ZNF577: variants seen among roughly 807,000 people sequenced by gnomAD.
The protein encoded by ZNF577 is zinc finger protein 577.
ZNF577 carries 14 observed loss-of-function variants against 13.9 expected under a neutral mutation model. The ratio of observed to expected loss-of-function variants is 1.00; its 90% CI spans 0.66 to 1.57. ZNF577 has a LOEUF of 1.57. Ranked by LOEUF, ZNF577 falls within the 40% of genes most tolerant of loss-of-function variation. The pLI, the probability that ZNF577 is intolerant of heterozygous loss-of-function variation, is 0.00. For synonymous variants in ZNF577, 203 were observed against 202.9 expected (o/e 1.00, Z 0.00); for missense variants, 555 against 579.2 (o/e 0.96, Z 0.43).
At chr19:51,876,691 G>A (rs981339577) in intron 5 of ZNF577, among the ~76,000 whole-genome samples, 7 of 152,110 alleles carry the variant, frequency 4.6e-5, no homozygotes, top group Non-Finnish European at 1.0e-4. Flanking sequence ...ACTTTGGGAG[G>A]CCAAGGTGGG....
intron 5 of ZNF577, among the ~76,000 whole-genome samples, chr19:51,853,018 G>A (rs940010511): frequency 1.3e-5 from 2 of 150,072 alleles, no homozygotes; most frequent in African/African-American, 2.5e-5. Flanking sequence ...TGCAACCTCC[G>A]CCTCTGCCTT....
chr19:51,876,653 C>T (rs1173885343), intron 5 of ZNF577, among the ~76,000 whole-genome samples: 1 of 151,962 alleles, frequency 6.6e-6, no homozygotes, highest in African/African-American at 2.4e-5. Flanking sequence ...TCCAGCCAGG[C>T]GCAGTGGCTC....
exon 8 of ZNF577, chr19:51,842,859 C>T (rs2084328597): frequency 6.6e-6 from 1 of 152,192 alleles, no homozygotes; most frequent in Admixed American, 6.5e-5. Flanking sequence ...CTCTACTATT[C>T]CTTGTTCTTC....
intron 5 of ZNF577, among the ~76,000 whole-genome samples, chr19:51,846,908 G>C (rs2084355877): frequency 6.6e-6 from 1 of 152,126 alleles, no homozygotes; most frequent in African/African-American, 2.4e-5. Context: ...TGTTATGGCA[G>C]CCCAAGCTGA....
chr19:51,806,198 G>C (rs11881389), intron 10 of ZNF577, among the ~76,000 whole-genome samples: 1,908 of 151,982 alleles, frequency 0.013, 59 homozygotes, highest in African/African-American at 0.044. Context: ...CTCATGGCTC[G>C]TACCGGAGGG....
Position 51,871,424 on chromosome 19 carries a change from T to C in ZNF577, c.*1108A>G, listed in dbSNP as rs2084658565. 2 of 152,090 alleles carry C rather than the reference T, an allele frequency of 1.3e-5. No homozygotes were observed. The highest frequency in any genetic ancestry group is 4.2e-4 in the South Asian group (2 of 4,812). 9.4% of individuals were successfully genotyped at this position (152,090 alleles called of 1,614,324 possible). ...GAGCCACTGTGCCTGGCCAGGTAGG[T>C]TAATTTATATAATTTCAGAATAGAT... On this transcript the variant is annotated 3_prime_UTR_variant, in exon 6 of 6. Coordinates refer to ENST00000638348, the MANE Select transcript of ZNF577 (RefSeq NM_001370449.1).
At chr19:51,815,848 T>A (rs2084131704) in intron 9 of ZNF577, among the ~76,000 whole-genome samples, 1 of 146,240 alleles carries the variant, frequency 6.8e-6, no homozygotes, top group African/African-American at 2.5e-5. Flanking sequence ...GGTGATAGAA[T>A]GAGACCCTGT....
intron 9 of ZNF577, chr19:51,823,705 C>T (rs752516033): frequency 2.0e-6 from 3 of 1,478,026 alleles, no homozygotes; most frequent in East Asian, 2.3e-5. Flanking sequence ...GATGGTGTCA[C>T]AGCTGAGAAA....
rs1166165584 is a variant in ZNF577, at chr19:51,869,780, A to T, written c.*2752T>A. ...AACAGTCAAGACACACCAGCCGCTA[A>T]CTAGAATAAGTTGTTAGGCCTCCTA... On this transcript the variant is annotated 3_prime_UTR_variant, in exon 6 of 6. Transcript: ENST00000638348. Among the ~76,000 whole-genome samples the T allele has an allele frequency of 6.6e-6, 1 of 152,222 alleles. No individual in the cohort carries two copies. Among genetic ancestry groups the T allele is most frequent in the African/African-American group, 2.4e-5 (1 of 41,456 alleles).
intron 5 of ZNF577, among the ~76,000 whole-genome samples, chr19:51,850,014 TAGAC>T (rs1437423708): frequency 9.9e-5 from 15 of 152,218 alleles, no homozygotes; most frequent in South Asian, 2.1e-4. Flanking sequence ...AAGACAAAAT[TAGAC>T]AGAGAACTGA....
rs183904365 is a variant in ZNF577 at position 51,873,736 on chromosome 19, G to A, written c.284-30C>T. 45 of 1,511,716 alleles carry A rather than the reference G, an allele frequency of 3.0e-5. No individual in the cohort carries two copies. The Middle Eastern group carries it at 1.2e-3, about 41-fold the overall frequency. The allele number at this position is 1,511,716 out of a possible 1,614,324, so 93.6% of individuals were successfully genotyped here. A position where few individuals can be genotyped will look rare whatever the true frequency, so the allele number is the denominator to read the frequency against. The stretch of plus-strand genomic sequence containing the variant: ...ATGAGATTTCAAACTTTTACAATGC[G>A]AGCCAAACTTATTGTGTCTTTACAT... On this transcript the variant is annotated intron_variant, in intron 5 of 5. Coordinates refer to ENST00000638348, the MANE Select transcript of ZNF577 (RefSeq NM_001370449.1).
intron 5 of ZNF577, among the ~76,000 whole-genome samples, chr19:51,846,850 A>G (rs1329539535): frequency 6.6e-6 from 1 of 152,204 alleles, no homozygotes; most frequent in Non-Finnish European, 1.5e-5. Context: ...TTCCAGAACT[A>G]TAAGAAAACA....
At chr19:51,856,446 A>C (rs1216175481) in intron 5 of ZNF577, among the ~76,000 whole-genome samples, 4 of 152,252 alleles carry the variant, frequency 2.6e-5, no homozygotes, top group African/African-American at 7.2e-5. Flanking sequence ...CAAAGAAAAA[A>C]TACAGAGAAC....
intron 9 of ZNF577, among the ~76,000 whole-genome samples, chr19:51,816,060 C>T (rs1382658400): frequency 3.3e-5 from 4 of 119,496 alleles, no homozygotes; most frequent in South Asian, 3.1e-4. Context: ...GAGTGAGATC[C>T]TATTAAAAAA....
chr19:51,880,637 C>T (rs8113685), intron 2 of ZNF577, 42 bp downstream of exon 2: 99,208 of 517,716 alleles, frequency 0.19, 12,258 homozygotes, highest in South Asian at 0.39. Context: ...TTCCACAGAC[C>T]CATTGGGAAA....
intron 5 of ZNF577, among the ~76,000 whole-genome samples, chr19:51,846,695 G>A (rs7251171): frequency 0.095 from 14,389 of 151,706 alleles, 782 homozygotes; most frequent in Middle Eastern, 0.12. Context: ...GCCACAGAGC[G>A]AGACTCCATC....
intron 9 of ZNF577, among the ~76,000 whole-genome samples, chr19:51,819,908 A>T (rs1357673963): frequency 3.3e-5 from 5 of 152,224 alleles, no homozygotes; most frequent in Admixed American, 1.3e-4. Flanking sequence ...TTTAGCAGAA[A>T]GCAGAAGGAC....
chr19:51,812,527 T>C (rs898023187), intron 9 of ZNF577, among the ~76,000 whole-genome samples: 9 of 152,242 alleles, frequency 5.9e-5, no homozygotes, highest in African/African-American at 1.7e-4. Flanking sequence ...TTGGCTAGCA[T>C]GTTCTGTTAA....
At chr19:51,832,074 C>A (rs915089106) in intron 9 of ZNF577, among the ~76,000 whole-genome samples, 1 of 152,160 alleles carries the variant, frequency 6.6e-6, no homozygotes, top group African/African-American at 2.4e-5. Flanking sequence ...TTGTCAATCA[C>A]AAAATCACCT....
Sources: allele counts gnomAD v4.1 joint callset (sites outside exome capture counted in the v4.1 genomes callset), GRCh38; gene constraint gnomAD v4.1.1; transcripts MANE v1.5; gene names NCBI Gene and HGNC (gene_info 2026-07-23, HGNC 2026-07-21).